Variants in SUPT3H observed in about 807,000 individuals in gnomAD.
SUPT3H encodes the protein SPT3 homolog, SAGA and STAGA complex component.
SUPT3H carries 44 observed loss-of-function variants against 44.3 expected under a neutral mutation model. That is an observed-to-expected ratio of 0.99 (90% CI 0.78 to 1.28). The LOEUF is 1.28. Among genes scored for constraint, SUPT3H ranks in the 50% most tolerant of loss-of-function variants. The pLI is 0.00. For missense variants in SUPT3H, 380 were observed against 387.1 expected (o/e 0.98, Z 0.15); for synonymous variants, 124 against 125.6 (o/e 0.99, Z 0.09).
intron 10 of SUPT3H, among the ~76,000 whole-genome samples, chr6:44,907,366 A>G (rs1766275420): frequency 1.3e-5 from 2 of 152,144 alleles, no homozygotes; most frequent in South Asian, 4.1e-4. Flanking sequence ...GTAATGTCTC[A>G]GTTTTCTTAC....
chr6:45,036,503 A>G (rs1787697261), intron 3 of SUPT3H, among the ~76,000 whole-genome samples: 1 of 152,192 alleles, frequency 6.6e-6, no homozygotes, highest in Non-Finnish European at 1.5e-5. Context: ...GAACAGTAAT[A>G]CTAAAAACAG....
intron 2 of SUPT3H, among the ~76,000 whole-genome samples, chr6:45,290,230 A>G (rs1326822060): frequency 6.6e-6 from 1 of 152,162 alleles, no homozygotes; most frequent in East Asian, 1.9e-4. Flanking sequence ...GACAAATTCA[A>G]TCTAAATTTT....
At position 44,919,508 on chromosome 6, in the gene SUPT3H, C is replaced by G. The variant is rs539676057; in HGVS notation, c.912+13145G>C. Among the ~76,000 whole-genome samples the G allele has an allele frequency of 4.0e-5, 6 of 151,494 alleles. No homozygotes were observed. In the South Asian group the frequency reaches 8.3e-4, roughly 21 times the overall value. On this transcript the variant is annotated intron_variant, in intron 10 of 10. Coordinates refer to ENST00000371459, the MANE Select transcript of SUPT3H (RefSeq NM_003599.4). The stretch of plus-strand genomic sequence containing the variant: ...AGATGACTTCTGCTTTGAGCTACCC[C>G]CACCCTTAACCAGGATATCCCCCTG...
intron 6 of SUPT3H, among the ~76,000 whole-genome samples, chr6:44,998,728 A>C (rs1781601718): frequency 6.6e-6 from 1 of 151,844 alleles, no homozygotes; most frequent in Admixed American, 6.6e-5. Flanking sequence ...AGAATTTCTT[A>C]AGTTGATAAA....
chr6:44,828,679 G>A lies in SUPT3H; in HGVS notation c.*1137C>T, dbSNP rs1768075833. 6.6e-6 allele frequency: 1 copy of A among 152,056 alleles called. No homozygotes were observed. Among genetic ancestry groups the A allele is most frequent in the Non-Finnish European group, 1.5e-5 (1 of 67,980 alleles). 9.4% of individuals were successfully genotyped at this position (152,056 alleles called of 1,614,324 possible). A position where few individuals can be genotyped will look rare whatever the true frequency, so the allele number is the denominator to read the frequency against. On this transcript the variant is annotated 3_prime_UTR_variant, in exon 11 of 11. Coordinates refer to ENST00000371459, the MANE Select transcript of SUPT3H (RefSeq NM_003599.4). Reference sequence around the variant, plus strand: ...AATCTAGGAAGCAGTATCAAGAGAGGCTTGCTCTCTTGAGCAGTATCAAGA... The same window carrying A: ...AATCTAGGAAGCAGTATCAAGAGAGACTTGCTCTCTTGAGCAGTATCAAGA...
At chr6:45,364,767 C>T (rs911089171) in intron 2 of SUPT3H, among the ~76,000 whole-genome samples, 7 of 152,098 alleles carry the variant, frequency 4.6e-5, no homozygotes, top group Non-Finnish European at 8.8e-5. Flanking sequence ...GAACTAAAAA[C>T]TAATTTAAAT....
At chr6:45,279,556 C>G (rs565280876) in intron 2 of SUPT3H, among the ~76,000 whole-genome samples, 8 of 152,244 alleles carry the variant, frequency 5.3e-5, no homozygotes, top group African/African-American at 1.9e-4. Context: ...ATTGCTCCTG[C>G]TCCTGCTATG....
chr6:45,044,382 C>A (rs150095629), intron 3 of SUPT3H, among the ~76,000 whole-genome samples: 2 of 152,314 alleles, frequency 1.3e-5, no homozygotes, highest in East Asian at 3.9e-4. Flanking sequence ...GGGGAAACCC[C>A]TAATCCCCTG....
intron 3 of SUPT3H, among the ~76,000 whole-genome samples, chr6:45,061,893 GTTTT>G (rs34656186): frequency 2.0e-4 from 19 of 93,504 alleles, no homozygotes; most frequent in African/African-American, 4.9e-4. Context: ...TCCATAAGCT[GTTTT>G]TTTTTTTTTT....
At chr6:45,342,098 AAAG>A (rs1789898876) in intron 2 of SUPT3H, among the ~76,000 whole-genome samples, 2 of 152,308 alleles carry the variant, frequency 1.3e-5, no homozygotes, top group South Asian at 4.1e-4. Flanking sequence ...TGGAAGAGGC[AAAG>A]AATAAGGAAA....
rs73735290 is a variant in SUPT3H at position 44,969,311 on chromosome 6, A to G, written c.505-7483T>C. Among the ~76,000 whole-genome samples, 594 of 152,346 alleles carry G rather than the reference A, an allele frequency of 3.9e-3. 7 individuals are homozygous for G. Among genetic ancestry groups the G allele is most frequent in the African/African-American group, 0.014 (566 of 41,574 alleles). Reference sequence around the variant, plus strand: ...CACGTGTATGTCTGCAAATACACGGAAAGTCTGGAAGCATATACATTATAC... The same window carrying G: ...CACGTGTATGTCTGCAAATACACGGGAAGTCTGGAAGCATATACATTATAC... On this transcript the variant is annotated intron_variant, in intron 6 of 10. Coordinates refer to ENST00000371459, the MANE Select transcript of SUPT3H (RefSeq NM_003599.4).
At chr6:44,913,084 AAG>A (rs1767303457) in intron 10 of SUPT3H, among the ~76,000 whole-genome samples, 1 of 152,206 alleles carries the variant, frequency 6.6e-6, no homozygotes, top group African/African-American at 2.4e-5. Context: ...CCTCAGGAAA[AAG>A]AGGCTTCAGA....
At chr6:45,068,379 G>C (rs930012552) in intron 3 of SUPT3H, among the ~76,000 whole-genome samples, 1 of 144,848 alleles carries the variant, frequency 6.9e-6, no homozygotes, top group African/African-American at 2.6e-5. Context: ...CGAGTTAGTG[G>C]GTGCAGCACA....
Position 45,360,343 on chromosome 6 carries a change from T to C in SUPT3H, c.101+4858A>G, listed in dbSNP as rs541049685. ...AGTGCCTGGTACACAGCATGTTCTA[T>C]ACAAGCATTCATTATTATCACTGAT... On this transcript the variant is annotated intron_variant, in intron 2 of 10. Transcript: ENST00000371459. Among the ~76,000 whole-genome samples the C allele has an allele frequency of 2.6e-5, 4 of 152,330 alleles. No individual in the cohort carries two copies. In the South Asian group the frequency reaches 6.2e-4, roughly 24 times the overall value.
intron 3 of SUPT3H, among the ~76,000 whole-genome samples, chr6:45,025,009 A>T (rs1258091558): frequency 1.3e-5 from 2 of 152,218 alleles, no homozygotes; most frequent in Non-Finnish European, 2.9e-5. Flanking sequence ...AGCTTGCCAA[A>T]TGAAGATTTT....
Position 45,003,637 on chromosome 6 carries a change from G to A in SUPT3H, c.504+16C>T. ...TGATTGTTCTATTTCTGTAAAAAGG[G>A]AAGAATGTACTATACCTCCATTCTT... is the stretch of plus-strand genomic sequence containing the variant. On this transcript the variant is annotated intron_variant, in intron 6 of 10. Transcript: ENST00000371459. 1.2e-6 allele frequency: 2 copies of A among 1,609,926 alleles called. No individual in the cohort carries two copies. The highest frequency in any genetic ancestry group is 1.7e-6 in the Non-Finnish European group (2 of 1,178,246).
At chr6:45,016,954 C>A (rs1784380568) in intron 4 of SUPT3H, among the ~76,000 whole-genome samples, 1 of 150,226 alleles carries the variant, frequency 6.7e-6, no homozygotes, top group African/African-American at 2.4e-5. Context: ...GTTTACAGTC[C>A]CACCAACAGT....
intron 10 of SUPT3H, among the ~76,000 whole-genome samples, chr6:44,864,371 C>T (rs1775155581): frequency 6.6e-6 from 1 of 152,190 alleles, no homozygotes; most frequent in Non-Finnish European, 1.5e-5. Context: ...GATGGTGACC[C>T]TCTTCTCACA....
At chr6:45,163,608 G>A (rs1158268285) in intron 2 of SUPT3H, among the ~76,000 whole-genome samples, 4 of 152,238 alleles carry the variant, frequency 2.6e-5, no homozygotes, top group Non-Finnish European at 1.5e-5. Context: ...ATGACTGTCA[G>A]TAGGTGGTTG....
Sources: allele counts gnomAD v4.1 joint callset (sites outside exome capture counted in the v4.1 genomes callset), GRCh38; gene constraint gnomAD v4.1.1; transcripts MANE v1.5; gene names NCBI Gene and HGNC (gene_info 2026-07-23, HGNC 2026-07-21).